Variants in SLC38A7 observed in about 807,000 individuals in gnomAD.
SLC38A7 encodes the protein sodium-coupled neutral amino acid transporter 7.
SLC38A7 carries 29 observed loss-of-function variants against 50.1 expected under a neutral mutation model. The ratio of observed to expected loss-of-function variants is 0.58; its 90% CI spans 0.43 to 0.79. SLC38A7 has a LOEUF of 0.79. SLC38A7 is among the 30% of genes least tolerant of loss of function. The probability of loss-of-function intolerance (pLI) is 0.00; values close to 1 mark genes in which losing one functional copy is unlikely to be tolerated. For synonymous variants in SLC38A7, 244 were observed against 245.9 expected (o/e 0.99, Z 0.07); for missense variants, 483 against 610.6 (o/e 0.79, Z 2.20).
At position 58,667,490 on chromosome 16, in the gene SLC38A7, G is replaced by A; in HGVS notation, c.1287-3C>T. On this transcript the variant is annotated splice_region_variant and splice_polypyrimidine_tract_variant and intron_variant, in intron 11 of 11. Transcript: ENST00000219320. ...CGTAGCTGACCAGCACCCACCAGCT[G>A]TAGAACAGAGGGTGAGAGAGGTCTG... The A allele has an allele frequency of 3.7e-6, 6 of 1,604,232 alleles. No individual in the cohort carries two copies. The highest frequency in any genetic ancestry group is 1.1e-5 in the South Asian group (1 of 89,718).
At chr16:58,668,409 T>C (rs1421280696) in intron 11 of SLC38A7, among the ~76,000 whole-genome samples, 2 of 152,186 alleles carry the variant, frequency 1.3e-5, no homozygotes, top group African/African-American at 4.8e-5. Flanking sequence ...ACCCCGTCTC[T>C]ACCAAAAATA....
At position 58,667,480 on chromosome 16, in the gene SLC38A7, C is replaced by A; in HGVS notation, c.1294G>T (p.Val432Leu). Residue 432 changes from valine to leucine, a missense_variant, in exon 12 of 12, where the codon GTG becomes TTG. By Grantham distance (32) the Val-to-Leu change is conservative. Coordinates refer to ENST00000219320, the MANE Select transcript of SLC38A7 (RefSeq NM_018231.3). ...MEEVKPASWW[V>L]LVSYGVLLVT... ...AAGAGGACTCCGTAGCTGACCAGCA[C>A]CCACCAGCTGTAGAACAGAGGGTGA... 6.2e-7 allele frequency: 1 copy of A among 1,609,216 alleles called. No homozygotes were observed. The highest frequency in any genetic ancestry group is 8.5e-7 in the Non-Finnish European group (1 of 1,177,892).
rs9934185 is a variant in SLC38A7 at position 58,675,846 on chromosome 16, G to A, written c.883+94C>T. 31,290 of 947,610 alleles carry A rather than the reference G, an allele frequency of 0.033. 6,183 individuals carry two copies. In the African/African-American group the frequency reaches 0.44, roughly 13 times the overall value. The allele number at this position is 947,610 out of a possible 1,614,324, so 58.7% of individuals were successfully genotyped here. On this transcript the variant is annotated intron_variant, in intron 8 of 11. Transcript: ENST00000219320. ...TATACAAGTCATGCTGGGAATGCAG[G>A]GCTGTCCCCAGGAAAGCTAGGCCCC...
In SLC38A7 at chr16:58,679,911, G is replaced by C; in HGVS notation, c.216C>G (p.Phe72Leu). The change falls in exon 3 of 12, where the codon TTC becomes TTG. Residue 72 changes from phenylalanine to leucine, a missense_variant. Coordinates refer to ENST00000219320, the MANE Select transcript of SLC38A7 (RefSeq NM_018231.3). ...CCCCCGCAGTGCTGAAGGCTGCTGG[G>C]AAGTTGAGTAACCCTGCACCCAGGC... ...NACLGAGLLN[F>L]PAAFSTAGGV... 1 of 1,613,534 alleles carries C rather than the reference G, an allele frequency of 6.2e-7. No homozygotes were observed. Among genetic ancestry groups the C allele is most frequent in the Non-Finnish European group, 8.5e-7 (1 of 1,179,686 alleles).
intron 9 of SLC38A7, chr16:58,671,588 G>A (rs2152075764): frequency 2.9e-6 from 1 of 348,334 alleles, no homozygotes; most frequent in East Asian, 5.8e-5. Flanking sequence ...TTGAGACAGG[G>A]TCTGGCTCTC....
At chr16:58,676,181 C>T in intron 7 of SLC38A7, 108 bp downstream of exon 7, 1 of 1,561,798 alleles carries the variant, frequency 6.4e-7, no homozygotes. Context: ...TCCATCCTTC[C>T]CCCCAGGATT....
At chr16:58,672,310 C>G (rs1225750816) in intron 8 of SLC38A7, 67 bp from the exon 9 acceptor site, 2 of 1,482,024 alleles carry the variant, frequency 1.3e-6, no homozygotes, top group African/African-American at 2.8e-5. Context: ...TCCACTCCTC[C>G]TAGGAGCAAC....
rs892900501 is a variant in SLC38A7 at position 58,672,261 on chromosome 16, T to A, written c.884-18A>T. On this transcript the variant is annotated intron_variant, in intron 8 of 11. Coordinates refer to ENST00000219320, the MANE Select transcript of SLC38A7 (RefSeq NM_018231.3). Reference sequence around the variant, plus strand: ...ACAGATGCCTGTGGGCAGGGACAACTGGGTCAGGGCAACCCTGGGAGGGTA... The same window carrying A: ...ACAGATGCCTGTGGGCAGGGACAACAGGGTCAGGGCAACCCTGGGAGGGTA... 6.4e-7 allele frequency: 1 copy of A among 1,573,070 alleles called. No individual in the cohort carries two copies. The highest frequency in any genetic ancestry group is 8.6e-7 in the Non-Finnish European group (1 of 1,158,852).
In SLC38A7 at chr16:58,676,317, G is replaced by A; in HGVS notation, c.740C>T (p.Ala247Val). The A allele has an allele frequency of 5.0e-6, 8 of 1,614,156 alleles. No homozygotes were observed. The highest frequency in any genetic ancestry group is 6.8e-6 in the Non-Finnish European group (8 of 1,180,024). ...AAATCCGAAGCAGATGGTGGGCATG[G>A]CATTGAACACAGCCATCCAGGAAGC... The part of the protein sequence containing the change: ...RPASWMAVFN[A>V]MPTICFGFQC... Residue 247 changes from alanine to valine, a missense_variant, in exon 7 of 12, where the codon GCC (alanine) becomes GTC (valine). Transcript: ENST00000219320.
chr16:58,678,516 T>A lies in SLC38A7; in HGVS notation c.470-42A>T. ...GAGGGAATGTCAAGCCAGGCCACCA[T>A]GGGGTGTGGCCCTCCTGCTCTGCTG... On this transcript the variant is annotated intron_variant, in intron 4 of 11. Transcript: ENST00000219320. This position sits in a 1 kb window ranked among gnomAD's most constrained non-coding sequence, Gnocchi z 4.0. 6.5e-7 allele frequency: 1 copy of A among 1,547,192 alleles called. No homozygotes were observed. The highest frequency in any genetic ancestry group is 8.7e-7 in the Non-Finnish European group (1 of 1,143,892).
chr16:58,673,434 C>G (rs1254946810), intron 8 of SLC38A7, among the ~76,000 whole-genome samples: 1 of 152,020 alleles, frequency 6.6e-6, no homozygotes. Flanking sequence ...TGAGGTTTCA[C>G]TATGTTGGCC....
In SLC38A7 at chr16:58,678,354, A is replaced by G. The variant is rs748643962; in HGVS notation, c.590T>C (p.Ile197Thr). Reference protein sequence around the residue: ...FILPLSIPREIGFQKYASFLS... With the variant: ...FILPLSIPRETGFQKYASFLS... Reference sequence around the variant, plus strand: ...AAACCTGGCATATTTCTGGAAACCAATCTCCCTGGGGATGGAGAGGGGCAG... The same window carrying G: ...AAACCTGGCATATTTCTGGAAACCAGTCTCCCTGGGGATGGAGAGGGGCAG... The change falls in exon 5 of 12, where the codon ATT (isoleucine) becomes ACT (threonine). Residue 197 changes from isoleucine (I) to threonine (T), a missense_variant. By Grantham distance (89) the Ile-to-Thr change is moderately conservative. Transcript: ENST00000219320. The surrounding 1 kb of genome is among the most constrained non-coding windows in gnomAD (Gnocchi z 4.0). The G allele has an allele frequency of 6.4e-7, 1 of 1,569,538 alleles. No homozygotes were observed. Among genetic ancestry groups the G allele is most frequent in the Non-Finnish European group, 8.6e-7 (1 of 1,158,788 alleles).
chr16:58,667,527 C>G, intron 11 of SLC38A7, 40 bp from the exon 12 acceptor site: 1 of 1,457,710 alleles, frequency 6.9e-7, no homozygotes, highest in African/African-American at 1.4e-5. Flanking sequence ...TCAGTCATCC[C>G]ATCCCATGAC....
chr16:58,681,055 G>A (rs1035637283), intron 2 of SLC38A7, among the ~76,000 whole-genome samples: 4 of 152,186 alleles, frequency 2.6e-5, no homozygotes, highest in Non-Finnish European at 5.9e-5. Flanking sequence ...CACTAGGCTT[G>A]CTTTCCTGGG....
rs143684477 is a variant in SLC38A7, at chr16:58,671,177, G to A, written c.1099C>T (p.Arg367Trp). The A allele has an allele frequency of 8.1e-5, 130 of 1,613,864 alleles. No individual in the cohort carries two copies. The East Asian group carries it at 2.4e-3, about 30-fold the overall frequency. The change falls in exon 10 of 12, where the codon CGG becomes TGG. Residue 367 changes from arginine (R) to tryptophan (W), a missense_variant. Arg to Trp is a moderately radical substitution (Grantham distance 101). Transcript: ENST00000219320. ...VPVEEDVGRE[R>W]RRRVLQTLVW... ...AGCGTCTGCAGCACTCGCCGCCGCC[G>A]CTCCCGCCCCACGTCCTCCTCCACT... is the stretch of plus-strand genomic sequence containing the variant.
chr16:58,665,403 C>T lies in SLC38A7; in HGVS notation c.*1982G>A. ...GGTGCTGGCAGAGCTTGGTGCTGTG[C>T]CACAGACTGACAGAAAACAGCACAG... On this transcript the variant is annotated 3_prime_UTR_variant, in exon 12 of 12. Transcript: ENST00000219320. 1 of 152,282 alleles carries T rather than the reference C, an allele frequency of 6.6e-6. No homozygotes were observed. Among genetic ancestry groups the T allele is most frequent in the African/African-American group, 2.4e-5 (1 of 41,428 alleles). 9.4% of individuals were successfully genotyped at this position (152,282 alleles called of 1,614,324 possible).
chr16:58,682,573 C>G (rs1217877034), intron 2 of SLC38A7, among the ~76,000 whole-genome samples: 1 of 152,112 alleles, frequency 6.6e-6, no homozygotes, highest in East Asian at 1.9e-4. Context: ...AATCCTCCCA[C>G]CTCAACTTCC....
At chr16:58,679,050 T>A in intron 3 of SLC38A7, among the ~76,000 whole-genome samples, 156 bp from the exon 4 acceptor site, 1 of 152,190 alleles carries the variant, frequency 6.6e-6, no homozygotes. Flanking sequence ...CGAGTTGAGA[T>A]TTTCTTTAAA....
chr16:58,676,215 C>A (rs1400766859), intron 7 of SLC38A7, 74 bp downstream of exon 7: 41 of 1,604,884 alleles, frequency 2.6e-5, no homozygotes, highest in Non-Finnish European at 3.5e-5. Flanking sequence ...CTGGGTTCCT[C>A]CTCCTTGCTG....
Sources: allele counts gnomAD v4.1 joint callset (sites outside exome capture counted in the v4.1 genomes callset), GRCh38; gene constraint gnomAD v4.1.1; non-coding constraint Gnocchi (gnomAD v3.1); transcripts MANE v1.5; gene names NCBI Gene and HGNC (gene_info 2026-07-23, HGNC 2026-07-21).